MATN2: variants seen among roughly 807,000 people sequenced by gnomAD.
MATN2 encodes matrilin 2, also known as matrilin-2.
MATN2 carries 69 observed loss-of-function variants against 103.2 expected under a neutral mutation model. That is an observed-to-expected ratio of 0.67 (90% CI 0.55 to 0.82). The LOEUF is 0.82. Ranked by LOEUF, MATN2 falls within the 40% of genes least tolerant of loss-of-function variation. The probability of loss-of-function intolerance (pLI) is 0.00; values close to 1 mark genes in which losing one functional copy is unlikely to be tolerated. For missense variants in MATN2, 1,023 were observed against 1,211.5 expected, an observed-to-expected ratio of 0.84 and a Z score of 2.31; for synonymous variants, 429 against 450.2, an observed-to-expected ratio of 0.95 and a Z score of 0.60.
rs7843250 is a variant in MATN2 at position 98,026,256 on chromosome 8, G to A, written c.1943-1160G>A. ...TGGTGATAACTTTTTTTTTAATTTTGTTTTTTTTTTTTTTACGGAGAGATG... is the reference window on the plus strand; with the variant it reads ...TGGTGATAACTTTTTTTTTAATTTTATTTTTTTTTTTTTTACGGAGAGATG... On this transcript the variant is annotated intron_variant, in intron 13 of 18. Transcript: ENST00000254898. Among the ~76,000 whole-genome samples the A allele has an allele frequency of 1.3e-4, 16 of 124,850 alleles. No homozygotes were observed. The South Asian group carries it at 3.9e-3, about 30-fold the overall frequency. 81.9% of individuals were successfully genotyped at this position (124,850 alleles called of 152,430 possible). A position where few individuals can be genotyped will look rare whatever the true frequency, so the allele number is the denominator to read the frequency against.
chr8:98,023,032 G>A (rs978337485), intron 13 of MATN2, among the ~76,000 whole-genome samples: 5 of 152,196 alleles, frequency 3.3e-5, no homozygotes, highest in African/African-American at 1.2e-4. Flanking sequence ...AGGTTGCAGT[G>A]AGCTGAGATT....
At chr8:97,887,236 CGAG>C (rs1388017807) in intron 1 of MATN2, among the ~76,000 whole-genome samples, 2 of 151,374 alleles carry the variant, frequency 1.3e-5, no homozygotes, top group East Asian at 3.9e-4. Context: ...TTTGTAGAAA[CGAG>C]GCCTTGCTGT....
rs73698695 is a variant in MATN2 at position 97,928,834 on chromosome 8, T to C, written c.143-2119T>C. On this transcript the variant is annotated intron_variant, in intron 2 of 18. Coordinates refer to ENST00000254898, the MANE Select transcript of MATN2 (RefSeq NM_002380.5). Reference sequence around the variant, plus strand: ...GAGGTGGATATTGGTTGCACCTCTGTATATTTTTTTCTTTTTCTAAATTAT... The same window carrying C: ...GAGGTGGATATTGGTTGCACCTCTGCATATTTTTTTCTTTTTCTAAATTAT... 8.1e-3 allele frequency among the ~76,000 whole-genome samples: 1,232 copies of C among 152,330 alleles called. 19 individuals carry two copies. The highest frequency in any genetic ancestry group is 0.028 in the African/African-American group (1,182 of 41,572).
rs1331218477 is a variant in MATN2 at position 98,030,457 on chromosome 8, C to T, written c.2357-5C>T. The T allele has an allele frequency of 6.2e-7, 1 of 1,611,440 alleles. No homozygotes were observed. The stretch of plus-strand genomic sequence containing the variant: ...AACTTGCTCTTAATTTTTCCTGCAC[C>T]CTAGGTATCACTATGTATGCTGTTG... On this transcript the variant is annotated splice_region_variant and splice_polypyrimidine_tract_variant and intron_variant, in intron 14 of 18. Transcript: ENST00000254898.
chr8:98,007,657 G>A lies in MATN2; in HGVS notation c.1573+56G>A. 6.4e-7 allele frequency: 1 copy of A among 1,571,814 alleles called. No individual in the cohort carries two copies. Among genetic ancestry groups the A allele is most frequent in the South Asian group, 1.1e-5 (1 of 87,456 alleles). Reference sequence around the variant, plus strand: ...ACAGGTGTTCCGTGGGTGCCGGTGTGGGTGCGCTGCCGACGTGTATATGTG... The same window carrying A: ...ACAGGTGTTCCGTGGGTGCCGGTGTAGGTGCGCTGCCGACGTGTATATGTG... On this transcript the variant is annotated intron_variant, in intron 10 of 18. Coordinates refer to ENST00000254898, the MANE Select transcript of MATN2 (RefSeq NM_002380.5). The surrounding 1 kb of genome is among the most constrained non-coding windows in gnomAD (Gnocchi z 4.2).
chr8:97,873,195 T>C (rs1197328496), intron 1 of MATN2, among the ~76,000 whole-genome samples: 2 of 152,126 alleles, frequency 1.3e-5, no homozygotes, highest in Admixed American at 1.3e-4. Flanking sequence ...GAGTATTAGA[T>C]TGGGCATGAT....
At chr8:97,926,141 CTG>C (rs1809981094) in intron 2 of MATN2, among the ~76,000 whole-genome samples, 2 of 152,150 alleles carry the variant, frequency 1.3e-5, no homozygotes, top group Non-Finnish European at 2.9e-5. Flanking sequence ...ACTGGAAGAG[CTG>C]TTAACAGAGT....
chr8:97,991,096 G>A (rs897328995), intron 6 of MATN2, among the ~76,000 whole-genome samples: 12 of 152,156 alleles, frequency 7.9e-5, no homozygotes, highest in African/African-American at 2.9e-4. Context: ...GAGAGGCTGT[G>A]GAAATGTTCT....
chr8:97,880,931 G>C (rs979222714), intron 1 of MATN2, among the ~76,000 whole-genome samples: 1 of 152,102 alleles, frequency 6.6e-6, no homozygotes, highest in Non-Finnish European at 1.5e-5. Flanking sequence ...GAGGTGCCAG[G>C]GTAGAATATT....
chr8:97,880,199 T>A (rs1269850045), intron 1 of MATN2, among the ~76,000 whole-genome samples: 1 of 151,602 alleles, frequency 6.6e-6, no homozygotes, highest in Non-Finnish European at 1.5e-5. Context: ...TTCTCCTGCC[T>A]CAGCCTCCCG....
At chr8:97,950,293 A>G (rs1361866904) in intron 4 of MATN2, among the ~76,000 whole-genome samples, 1 of 152,224 alleles carries the variant, frequency 6.6e-6, no homozygotes, top group Non-Finnish European at 1.5e-5. Flanking sequence ...GAATGTAAGC[A>G]GGGATAAAGT....
At chr8:97,972,948 C>CAG (rs1479020671) in intron 5 of MATN2, among the ~76,000 whole-genome samples, 1 of 152,214 alleles carries the variant, frequency 6.6e-6, no homozygotes, top group East Asian at 1.9e-4. Context: ...TACAAGAGGT[C>CAG]ACCTCCATAC....
At chr8:98,032,740 C>T (rs566517237) in intron 16 of MATN2, among the ~76,000 whole-genome samples, 1 of 152,238 alleles carries the variant, frequency 6.6e-6, no homozygotes, top group African/African-American at 2.4e-5. Context: ...CCATGTTGGC[C>T]AGGCTGGTCT....
At chr8:97,972,926 A>G (rs975901854) in intron 5 of MATN2, among the ~76,000 whole-genome samples, 2 of 152,364 alleles carry the variant, frequency 1.3e-5, no homozygotes, top group Non-Finnish European at 2.9e-5. Context: ...CAATAGAGCC[A>G]TCATTGAGTT....
intron 4 of MATN2, among the ~76,000 whole-genome samples, chr8:97,960,042 C>T (rs951649842): frequency 6.6e-6 from 1 of 151,004 alleles, no homozygotes; most frequent in Non-Finnish European, 1.5e-5. Flanking sequence ...CTCCACCTCC[C>T]GGGTTCAAGC....
Position 98,019,261 on chromosome 8 carries a change from A to G in MATN2, c.1819+1145A>G, listed in dbSNP as rs190644910. Among the ~76,000 whole-genome samples the G allele has an allele frequency of 4.6e-5, 7 of 152,058 alleles. No homozygotes were observed. In the East Asian group the frequency reaches 1.4e-3, roughly 29 times the overall value. On this transcript the variant is annotated intron_variant, in intron 12 of 18. Coordinates refer to ENST00000254898, the MANE Select transcript of MATN2 (RefSeq NM_002380.5). ...CACATATATTGTGAGGGAGGAAAAG[A>G]TTGGTTGATTTTAAGGGATTGGCTC...
intron 2 of MATN2, among the ~76,000 whole-genome samples, chr8:97,896,303 T>A (rs534900378): frequency 1.3e-5 from 2 of 152,346 alleles, no homozygotes; most frequent in African/African-American, 4.8e-5. Context: ...ATCTCTCAGG[T>A]CTCATCTCAG....
At chr8:98,003,941 T>C in intron 8 of MATN2, 158 bp downstream of exon 8, 1 of 810,448 alleles carries the variant, frequency 1.2e-6, no homozygotes, top group Non-Finnish European at 2.0e-6. Context: ...ACCCATAGAA[T>C]GTGACTATTA....
intron 11 of MATN2, 100 bp from the exon 12 acceptor site, chr8:98,017,894 T>C (rs1563728852): frequency 3.7e-6 from 5 of 1,366,924 alleles, no homozygotes; most frequent in African/African-American, 1.4e-5. Context: ...AGGTGGCAGA[T>C]AGAATCCAGT....
Sources: gnomAD v4.1 joint callset for allele counts (sites outside exome capture counted in the v4.1 genomes callset) on GRCh38, gnomAD v4.1.1 for gene constraint, Gnocchi (gnomAD v3.1) non-coding constraint, MANE v1.5 for transcripts, NCBI Gene and HGNC (gene_info 2026-07-23, HGNC 2026-07-21) for gene names.